Variants in ZNF493 observed in about 807,000 individuals in gnomAD.
ZNF493 encodes the protein zinc finger protein 493.
Under a neutral mutation model 12.2 loss-of-function variants are expected in ZNF493, and 11 were observed. The observed-to-expected ratio is 0.90, with a 90% CI of 0.57 to 1.50. ZNF493 has a LOEUF of 1.50. Ranked by LOEUF, ZNF493 falls within the 40% of genes most tolerant of loss-of-function variation. ZNF493 has a pLI of 0.00. For synonymous variants in ZNF493, 286 were observed against 302.6 expected (o/e 0.95, Z 0.57); for missense variants, 950 against 906.6 (o/e 1.05, Z -0.61).
intron 3 of ZNF493, among the ~76,000 whole-genome samples, chr19:21,410,058 G>GTA (rs750161583): frequency 0.011 from 1,552 of 139,744 alleles, 11 homozygotes; most frequent in East Asian, 0.048. Flanking sequence ...ATTTCATTGT[G>GTA]TGTATATATA....
chr19:21,402,746 A>T (rs1209875731), intron 1 of ZNF493, among the ~76,000 whole-genome samples: 3 of 152,216 alleles, frequency 2.0e-5, no homozygotes, highest in Non-Finnish European at 4.4e-5. Context: ...GACCTGCTAC[A>T]GTTATATGAG....
At position 21,425,401 on chromosome 19, in the gene ZNF493, C is replaced by G; in HGVS notation, c.*417C>G. The G allele has an allele frequency of 2.4e-6, 1 of 423,712 alleles. No individual in the cohort carries two copies. The highest frequency in any genetic ancestry group is 4.6e-6 in the Non-Finnish European group (1 of 215,916). 26.2% of individuals were successfully genotyped at this position (423,712 alleles called of 1,614,324 possible). A position where few individuals can be genotyped will look rare whatever the true frequency, so the allele number is the denominator to read the frequency against. ...GCTTTTTACTGATTCTTATACCTTA[C>G]TAAACATAAAATAATTCATAAAGGA... On this transcript the variant is annotated 3_prime_UTR_variant, in exon 4 of 4. Coordinates refer to ENST00000392288, the MANE Select transcript of ZNF493 (RefSeq NM_001076678.3).
At chr19:21,418,717 G>A (rs1403340711) in intron 3 of ZNF493, among the ~76,000 whole-genome samples, 1 of 152,214 alleles carries the variant, frequency 6.6e-6, no homozygotes, top group Non-Finnish European at 1.5e-5. Flanking sequence ...ACTGTTTCTA[G>A]AGATATTAGA....
intron 3 of ZNF493, among the ~76,000 whole-genome samples, chr19:21,411,527 C>T (rs541267945): frequency 6.6e-6 from 1 of 152,072 alleles, no homozygotes; most frequent in South Asian, 2.1e-4. Flanking sequence ...TGCAACCAGC[C>T]TGGGCAACAA....
intron 1 of ZNF493, among the ~76,000 whole-genome samples, chr19:21,403,687 G>A (rs1411790300): frequency 6.6e-6 from 1 of 152,110 alleles, no homozygotes; most frequent in African/African-American, 2.4e-5. Flanking sequence ...TGTCTCAGAT[G>A]AAGAGCTGTG....
intron 1 of ZNF493, among the ~76,000 whole-genome samples, chr19:21,402,221 C>A (rs767474878): frequency 6.6e-6 from 1 of 152,168 alleles, no homozygotes; most frequent in Non-Finnish European, 1.5e-5. Context: ...CCTGCCTTGG[C>A]CTCCCAAAGT....
At chr19:21,404,568 C>G (rs904357883) in intron 1 of ZNF493, among the ~76,000 whole-genome samples, 2 of 152,152 alleles carry the variant, frequency 1.3e-5, no homozygotes, top group African/African-American at 4.8e-5. Context: ...AGACTCTTAT[C>G]TTTGTTTACA....
intron 1 of ZNF493, among the ~76,000 whole-genome samples, chr19:21,402,344 A>T (rs1456991664): frequency 6.6e-6 from 1 of 152,192 alleles, no homozygotes; most frequent in Admixed American, 6.5e-5. Flanking sequence ...TTATTTGTTC[A>T]GTCTTTGCAG....
chr19:21,398,160 C>A (rs1048642672), intron 1 of ZNF493: 5 of 152,698 alleles, frequency 3.3e-5, no homozygotes, highest in African/African-American at 1.2e-4. Context: ...AAGATAATTT[C>A]CAGTTTCCTC....
chr19:21,424,912 G>A lies in ZNF493; in HGVS notation c.2253G>A (p.Arg751=). The A allele has an allele frequency of 6.2e-7, 1 of 1,611,840 alleles. No homozygotes were observed. Among genetic ancestry groups the A allele is most frequent in the Middle Eastern group, 1.7e-4 (1 of 6,044 alleles). ...GTGAAGCATGTGGCAAAGCTTTTAGGCGGTCTTCACATCTTAGTAGACATA... is the reference window on the plus strand; with the variant it reads ...GTGAAGCATGTGGCAAAGCTTTTAGACGGTCTTCACATCTTAGTAGACATA... ...YKCEACGKAF[R]RSSHLSRHKI... The change falls in exon 4 of 4, where the codon AGG becomes AGA. Residue 751 remains arginine, a synonymous_variant. Coordinates refer to ENST00000392288, the MANE Select transcript of ZNF493 (RefSeq NM_001076678.3).
At chr19:21,412,379 TA>T (rs2030352576) in intron 3 of ZNF493, 1 of 152,436 alleles carries the variant, frequency 6.6e-6, no homozygotes, top group South Asian at 2.1e-4. Context: ...GTGGGCCAGG[TA>T]TTCCTTGCCC....
intron 3 of ZNF493, among the ~76,000 whole-genome samples, chr19:21,411,225 A>C (rs368630203): frequency 6.6e-6 from 1 of 152,174 alleles, no homozygotes; most frequent in African/African-American, 2.4e-5. Flanking sequence ...GCTCATGGCA[A>C]CTTTGCAAAA....
chr19:21,419,560 C>CT (rs34513942), intron 3 of ZNF493, among the ~76,000 whole-genome samples: 1 of 152,052 alleles, frequency 6.6e-6, no homozygotes, highest in Admixed American at 6.6e-5. Context: ...CCAATGTAAC[C>CT]TTTTCACATT....
At chr19:21,401,606 C>CTATTTATTTATT (rs1206283509) in intron 1 of ZNF493, among the ~76,000 whole-genome samples, 1 of 151,428 alleles carries the variant, frequency 6.6e-6, no homozygotes, top group African/African-American at 2.4e-5. Flanking sequence ...GGTGGGCAGG[C>CTATTTATTTATT]TATTTATTTA....
chr19:21,424,965 A>C lies in ZNF493; in HGVS notation c.2306A>C (p.Glu769Ala), dbSNP rs542711165. 6.3e-7 allele frequency: 1 copy of C among 1,594,286 alleles called. No homozygotes were observed. The highest frequency in any genetic ancestry group is 1.3e-5 in the African/African-American group (1 of 74,078). Residue 769 changes from glutamate to alanine, a missense_variant, in exon 4 of 4, where the codon GAA (glutamate) becomes GCA (alanine). By Grantham distance (107) the Glu-to-Ala change is moderately radical. Coordinates refer to ENST00000392288, the MANE Select transcript of ZNF493 (RefSeq NM_001076678.3). ...ATAATTCATATTGGAATTCATACTG[A>C]AGAGACTGTACAAAAGTGAAGAATG... is the stretch of plus-strand genomic sequence containing the variant. ...HKIIHIGIHT[E>A]ETVQK
intron 3 of ZNF493, among the ~76,000 whole-genome samples, chr19:21,420,752 C>CTTT (rs372678195): frequency 1.9e-5 from 2 of 105,012 alleles, no homozygotes; most frequent in Non-Finnish European, 3.9e-5. Flanking sequence ...GCAAATAACA[C>CTTT]TTTTTTTTTT....
Position 21,425,088 on chromosome 19 carries a change from G to A in ZNF493, c.*104G>A. The A allele has an allele frequency of 7.8e-7, 1 of 1,279,888 alleles. No homozygotes were observed. The allele number at this position is 1,279,888 out of a possible 1,614,324, so 79.3% of individuals were successfully genotyped here. A position where few individuals can be genotyped will look rare whatever the true frequency, so the allele number is the denominator to read the frequency against. On this transcript the variant is annotated 3_prime_UTR_variant, in exon 4 of 4. Transcript: ENST00000392288. ...TAATACACATAAGATAATTAATGCT[G>A]GAGAGAAACCCTACAAATGTGAAGA...
At chr19:21,416,094 A>T (rs939329393) in intron 3 of ZNF493, among the ~76,000 whole-genome samples, 7 of 137,752 alleles carry the variant, frequency 5.1e-5, no homozygotes, top group Non-Finnish European at 1.1e-4. Context: ...TTTATTTAGC[A>T]GCCATTGTTC....
chr19:21,409,188 G>A (rs958280506), intron 3 of ZNF493, among the ~76,000 whole-genome samples: 1 of 151,980 alleles, frequency 6.6e-6, no homozygotes, highest in Non-Finnish European at 1.5e-5. Context: ...CCTGCCTCTT[G>A]TATATATTCT....
Sources: gnomAD v4.1 joint callset for allele counts (sites outside exome capture counted in the v4.1 genomes callset) on GRCh38, gnomAD v4.1.1 for gene constraint, MANE v1.5 for transcripts, NCBI Gene and HGNC (gene_info 2026-07-23, HGNC 2026-07-21) for gene names.